The following STRBP variants were observed in gnomAD, a reference collection of about 807,000 sequenced individuals.
STRBP encodes spermatid perinuclear RNA-binding protein.
Under a neutral mutation model 80.1 loss-of-function variants are expected in STRBP, and 13 were observed. That is an observed-to-expected ratio of 0.16 (90% confidence interval 0.11 to 0.26). The LOEUF is 0.26. STRBP is among the 10% of genes least tolerant of loss of function. The pLI, the probability that STRBP is intolerant of heterozygous loss-of-function variation, is 1.00. For synonymous variants in STRBP, 284 were observed against 291.2 expected (o/e 0.98, Z 0.25); for missense variants, 485 against 815.2 (o/e 0.59, Z 4.93).
At chr9:123,159,246 G>T in intron 8 of STRBP, 39 bp from the exon 9 acceptor site, 1 of 1,397,274 alleles carries the variant, frequency 7.2e-7, no homozygotes, top group Non-Finnish European at 1.0e-6. Flanking sequence ...CATGCACCAA[G>T]TGTTAAAAGG....
chr9:123,234,180 G>A (rs1355620812), intron 2 of STRBP, among the ~76,000 whole-genome samples: 11 of 140,686 alleles, frequency 7.8e-5, no homozygotes, highest in Non-Finnish European at 1.5e-4. Flanking sequence ...CAGCCTGGGC[G>A]ACAGAGCGAG....
chr9:123,158,382 G>C lies in STRBP; in HGVS notation c.883C>G (p.Leu295Val), dbSNP rs764885167. The C allele has an allele frequency of 6.2e-7, 1 of 1,613,632 alleles. No homozygotes were observed. The highest frequency in any genetic ancestry group is 1.7e-5 in the Admixed American group (1 of 59,980). The change falls in exon 10 of 19, where the codon CTG becomes GTG. Residue 295 changes from leucine to valine, a missense_variant. Transcript: ENST00000348403. ...TTTTGCTGGATGGTCATATAGCTCAGAGCATCTGTTGGGTCTCGCTCACAA... is the reference window on the plus strand; with the variant it reads ...TTTTGCTGGATGGTCATATAGCTCACAGCATCTGTTGGGTCTCGCTCACAA... The part of the protein sequence containing the change: ...DPCERDPTDA[L>V]SYMTIQQKED...
intron 1 of STRBP, among the ~76,000 whole-genome samples, chr9:123,253,872 T>C (rs2132636206): frequency 6.6e-6 from 1 of 152,342 alleles, no homozygotes; most frequent in South Asian, 2.1e-4. Context: ...AAGATTTTTA[T>C]TCTAATTGCT....
At chr9:123,240,949 G>A (rs999776774) in intron 1 of STRBP, among the ~76,000 whole-genome samples, 1 of 152,124 alleles carries the variant, frequency 6.6e-6, no homozygotes, top group Admixed American at 6.5e-5. Context: ...GGAGGCTGAG[G>A]CGAGTGGATC....
At chr9:123,244,556 G>A (rs2040761733) in intron 1 of STRBP, among the ~76,000 whole-genome samples, 1 of 152,112 alleles carries the variant, frequency 6.6e-6, no homozygotes. Context: ...GAGGGAAGAA[G>A]GTATATGGGA....
At chr9:123,250,341 A>C (rs192957220) in intron 1 of STRBP, among the ~76,000 whole-genome samples, 32 of 152,338 alleles carry the variant, frequency 2.1e-4, no homozygotes, top group African/African-American at 7.2e-4. Context: ...TAGTCTTCTC[A>C]CTAATTTTCT....
At chr9:123,215,651 G>A (rs1411312270) in intron 2 of STRBP, among the ~76,000 whole-genome samples, 3 of 152,144 alleles carry the variant, frequency 2.0e-5, no homozygotes, top group Non-Finnish European at 4.4e-5. Flanking sequence ...CGGGTGTGGT[G>A]ATGCGTGCCT....
chr9:123,158,471 T>A (rs768541063), intron 9 of STRBP, 42 bp from the exon 10 acceptor site: 1 of 1,572,766 alleles, frequency 6.4e-7, no homozygotes, highest in Non-Finnish European at 8.7e-7. Flanking sequence ...AGAACTGAGT[T>A]TAGAATTCGG....
intron 16 of STRBP, among the ~76,000 whole-genome samples, chr9:123,134,780 G>A (rs1262486686): frequency 6.6e-6 from 1 of 151,960 alleles, no homozygotes; most frequent in African/African-American, 2.4e-5. Flanking sequence ...CCAAACATAA[G>A]ATGTAATATG....
At chr9:123,257,353 A>G (rs2041055277) in intron 1 of STRBP, among the ~76,000 whole-genome samples, 1 of 151,954 alleles carries the variant, frequency 6.6e-6, no homozygotes, top group Non-Finnish European at 1.5e-5. Context: ...CACTAGAAAT[A>G]ATTTCTTGTT....
At chr9:123,262,623 T>C (rs778019793) in intron 1 of STRBP, among the ~76,000 whole-genome samples, 2 of 152,214 alleles carry the variant, frequency 1.3e-5, no homozygotes, top group Non-Finnish European at 2.9e-5. Context: ...ATGCTAAAGT[T>C]AACTAAAGAA....
chr9:123,172,399 A>G (rs2038049356), intron 5 of STRBP, among the ~76,000 whole-genome samples: 1 of 152,240 alleles, frequency 6.6e-6, no homozygotes, highest in South Asian at 2.1e-4. Context: ...AAGCCCATTA[A>G]TTAGCTTTCC....
At chr9:123,267,077 CCCA>C (rs147312392) in intron 1 of STRBP, among the ~76,000 whole-genome samples, 5,521 of 151,302 alleles carry the variant, frequency 0.036, 136 homozygotes, top group Middle Eastern at 0.11. Flanking sequence ...TCCATTTGTC[CCCA>C]CACTTTACCT....
chr9:123,162,854 T>C (rs1254347397), intron 6 of STRBP, among the ~76,000 whole-genome samples: 1 of 152,254 alleles, frequency 6.6e-6, no homozygotes, highest in Non-Finnish European at 1.5e-5. Context: ...TTTGTCTTTA[T>C]AGTGATACAA....
intron 2 of STRBP, among the ~76,000 whole-genome samples, chr9:123,187,268 TAAAA>T (rs5900565): frequency 1.4e-5 from 2 of 138,774 alleles, no homozygotes; most frequent in South Asian, 2.3e-4. Flanking sequence ...TTCAGCTATT[TAAAA>T]AAAAAAAAAA....
At chr9:123,182,326 A>G (rs974199702) in intron 3 of STRBP, among the ~76,000 whole-genome samples, 1 of 151,930 alleles carries the variant, frequency 6.6e-6, no homozygotes, top group African/African-American at 2.4e-5. Flanking sequence ...AGCAAGTAAT[A>G]AGAGAAACCA....
rs546884844 is a variant in STRBP, at chr9:123,225,423, C to T, written c.-165+11407G>A. Among the ~76,000 whole-genome samples the T allele has an allele frequency of 2.0e-5, 3 of 152,214 alleles. No individual in the cohort carries two copies. The East Asian group carries it at 5.8e-4, about 29-fold the overall frequency. On this transcript the variant is annotated intron_variant, in intron 2 of 18. Coordinates refer to ENST00000348403, the MANE Select transcript of STRBP (RefSeq NM_018387.5). ...GGAAATTATTCTATCTAATCACAGCCACCTCTGGAGGTTGTGGTATACACG... is the reference window on the plus strand; with the variant it reads ...GGAAATTATTCTATCTAATCACAGCTACCTCTGGAGGTTGTGGTATACACG...
intron 2 of STRBP, among the ~76,000 whole-genome samples, chr9:123,199,730 T>C (rs1204973534): frequency 1.3e-5 from 2 of 152,244 alleles, no homozygotes; most frequent in African/African-American, 2.4e-5. Flanking sequence ...ACACTGATAT[T>C]ACAAACTGAG....
intron 2 of STRBP, among the ~76,000 whole-genome samples, chr9:123,232,456 G>C (rs1450271161): frequency 6.6e-6 from 1 of 152,120 alleles, no homozygotes; most frequent in Non-Finnish European, 1.5e-5. Flanking sequence ...GTCAGCCCAG[G>C]TTACAACAGC....
Sources: allele counts gnomAD v4.1 joint callset (sites outside exome capture counted in the v4.1 genomes callset), GRCh38; gene constraint gnomAD v4.1.1; transcripts MANE v1.5; gene names NCBI Gene and HGNC (gene_info 2026-07-23, HGNC 2026-07-21).